The following ZNF3 variants were observed in gnomAD, a reference collection of about 807,000 sequenced individuals.
ZNF3 encodes the protein zinc finger protein 3, also known as C2-H2 type zinc finger protein.
In ZNF3, 16 loss-of-function variants were observed where a neutral mutation model predicts 36.9. The observed-to-expected ratio is 0.43, with a 90% CI of 0.29 to 0.66. ZNF3 has a LOEUF of 0.66. ZNF3 is among the 30% of genes least tolerant of loss of function. The probability of loss-of-function intolerance (pLI) is 0.13; values close to 1 mark genes in which losing one functional copy is unlikely to be tolerated. For synonymous variants in ZNF3, 201 were observed against 201.9 expected, an observed-to-expected ratio of 1.00 and a Z score of 0.04; for missense variants, 462 against 543.1, an observed-to-expected ratio of 0.85 and a Z score of 1.48.
rs1287555370 is a variant in ZNF3 at position 100,070,751 on chromosome 7, A to G, written c.*392T>C. 3.0e-6 allele frequency: 3 copies of G among 1,013,076 alleles called. No individual in the cohort carries two copies. The highest frequency in any genetic ancestry group is 3.5e-6 in the Non-Finnish European group (3 of 846,234). 62.8% of individuals were successfully genotyped at this position (1,013,076 alleles called of 1,614,324 possible). ...CCCTTTACCCTCCCTAGCAAATAAC[A>G]GGACCCAGAGCGTCCTTTCCACTGC... On this transcript the variant is annotated 3_prime_UTR_variant, in exon 6 of 6. Transcript: ENST00000299667.
In ZNF3 at chr7:100,075,364, G is replaced by T. The variant is rs760447670; in HGVS notation, c.145-103C>A. 21 of 1,592,654 alleles carry T rather than the reference G, an allele frequency of 1.3e-5. No homozygotes were observed. The East Asian group carries it at 4.7e-4, about 36-fold the overall frequency. The stretch of plus-strand genomic sequence containing the variant: ...GGTGAAAAATGCACATTTGGGAAGG[G>T]AGGAAGGGAGGACAGGGTGGAGGAA... On this transcript the variant is annotated intron_variant, in intron 4 of 5. Coordinates refer to ENST00000299667, the MANE Select transcript of ZNF3 (RefSeq NM_032924.5).
intron 2 of ZNF3, chr7:100,078,793 C>T (rs533251793): frequency 6.6e-6 from 1 of 152,300 alleles, no homozygotes; most frequent in South Asian, 2.1e-4. Context: ...TGAGGGCTAA[C>T]TCTATTGCCA....
intron 5 of ZNF3, among the ~76,000 whole-genome samples, chr7:100,073,480 C>G (rs1793554209): frequency 6.6e-6 from 1 of 152,102 alleles, no homozygotes; most frequent in African/African-American, 2.4e-5. Context: ...TCCCAAGTAG[C>G]TGGGATTACA....
At position 100,077,424 on chromosome 7, in the gene ZNF3, T is replaced by C. The variant is rs1001307075; in HGVS notation, c.-67A>G. The C allele has an allele frequency of 6.2e-7, 1 of 1,611,950 alleles. No homozygotes were observed. The highest frequency in any genetic ancestry group is 8.5e-7 in the Non-Finnish European group (1 of 1,178,970). On this transcript the variant is annotated 5_prime_UTR_variant, in exon 3 of 6. Transcript: ENST00000299667. ...GCGGGAAGCGGGTTTTAAAAGAGAA[T>C]GAGGAAGCACTGCAGAAGCAAAAGT...
intron 2 of ZNF3, chr7:100,078,596 G>C (rs1218993282): frequency 6.6e-6 from 1 of 152,260 alleles, no homozygotes; most frequent in African/African-American, 2.4e-5. Flanking sequence ...GCTGAGGCAG[G>C]AGAATCGCTT....
rs780317788 is a variant in ZNF3, at chr7:100,071,648, G to A, written c.836C>T (p.Thr279Met). ...ATTACATTCATAGGGTTTCTCCCCC[G>A]TGTGGATCCTCCGATGCAGAATGAG... is the stretch of plus-strand genomic sequence containing the variant. ...SALILHRRIH[T>M]GEKPYECNEC... The change falls in exon 6 of 6, where the codon ACG (threonine) becomes ATG (methionine). Residue 279 changes from threonine to methionine, a missense_variant. Thr to Met is a moderately conservative substitution (Grantham distance 81, BLOSUM62 -1). Transcript: ENST00000299667. The A allele has an allele frequency of 8.7e-6, 14 of 1,613,924 alleles. No individual in the cohort carries two copies. The highest frequency in any genetic ancestry group is 1.3e-5 in the African/African-American group (1 of 74,990).
chr7:100,072,309 A>G, intron 5 of ZNF3, 97 bp from the exon 6 acceptor site: 1 of 1,131,958 alleles, frequency 8.8e-7, no homozygotes, highest in Non-Finnish European at 1.2e-6. Context: ...TACAGTGCCA[A>G]AAGCACATGC....
intron 3 of ZNF3, chr7:100,076,953 C>G (rs758086733): frequency 1.5e-5 from 3 of 194,476 alleles, no homozygotes; most frequent in Non-Finnish European, 3.3e-5. Context: ...CGCCTGCAGT[C>G]CCAGCTACAT....
At chr7:100,077,114 A>G in intron 3 of ZNF3, 189 bp downstream of exon 3, 1 of 616,470 alleles carries the variant, frequency 1.6e-6, no homozygotes, top group South Asian at 2.0e-5. Context: ...CAATTATCAA[A>G]CCTATCAAGC....
downstream of ZNF3, among the ~76,000 whole-genome samples, chr7:100,066,666 G>A (rs1414035880): frequency 6.6e-6 from 1 of 151,904 alleles, no homozygotes; most frequent in South Asian, 2.1e-4. Context: ...GAACCTGGGA[G>A]GTGGAGGTTG....
At chr7:100,077,149 C>A in intron 3 of ZNF3, 154 bp downstream of exon 3, 1 of 812,908 alleles carries the variant, frequency 1.2e-6, no homozygotes, top group Non-Finnish European at 2.0e-6. Flanking sequence ...GTTCGGTCAG[C>A]TTCCCCACTA....
rs537750656 is a variant in ZNF3, at chr7:100,080,657, C to CA, written c.-198+977dup. On this transcript the variant is annotated intron_variant, in intron 1 of 5. Coordinates refer to ENST00000299667, the MANE Select transcript of ZNF3 (RefSeq NM_032924.5). ...CGGAACCCCGTCTCTACTAAAAATA[C>CA]AAAAAATTCGCCGGAGGTGGTGGCG... Among the ~76,000 whole-genome samples the CA allele has an allele frequency of 1.8e-3, 276 of 152,256 alleles. 2 individuals carry two copies. Among genetic ancestry groups the CA allele is most frequent in the Middle Eastern group, 6.8e-3 (2 of 294 alleles).
chr7:100,081,254 G>A lies in ZNF3; in HGVS notation c.-198+381C>T, dbSNP rs982775741. ...AAATAAACTTCCTCTCCTGCCACGG[G>A]CGCGAATAACTGTGTTAACATCAAA... is the stretch of plus-strand genomic sequence containing the variant. On this transcript the variant is annotated intron_variant, in intron 1 of 5. Transcript: ENST00000299667. This position sits in a 1 kb window ranked among gnomAD's most constrained non-coding sequence, Gnocchi z 4.3. Among the ~76,000 whole-genome samples, 1 of 152,338 alleles carries A rather than the reference G, an allele frequency of 6.6e-6. No homozygotes were observed. The highest frequency in any genetic ancestry group is 3.4e-3 in the Middle Eastern group (1 of 294).
At chr7:100,066,548 G>A (rs572639515), downstream of ZNF3, among the ~76,000 whole-genome samples, 6 of 151,350 alleles carry the variant, frequency 4.0e-5, no homozygotes, top group East Asian at 9.7e-4. Flanking sequence ...GGCTAACAAG[G>A]TGAAACCCCA....
At position 100,071,625 on chromosome 7, in the gene ZNF3, T is replaced by A; in HGVS notation, c.859A>T (p.Asn287Tyr). The A allele has an allele frequency of 6.2e-7, 1 of 1,614,042 alleles. No homozygotes were observed. Among genetic ancestry groups the A allele is most frequent in the Non-Finnish European group, 8.5e-7 (1 of 1,179,954 alleles). Residue 287 changes from asparagine (N) to tyrosine (Y), a missense_variant, in exon 6 of 6, where the codon AAT becomes TAT. Asn to Tyr is a moderately radical substitution (Grantham distance 143). Transcript: ENST00000299667. Reference sequence around the variant, plus strand: ...CAGCTGAAGGTCTTCCCACACTCATTACATTCATAGGGTTTCTCCCCCGTG... The same window carrying A: ...CAGCTGAAGGTCTTCCCACACTCATAACATTCATAGGGTTTCTCCCCCGTG... ...IHTGEKPYEC[N>Y]ECGKTFSWSS... is the part of the protein sequence containing the mutation.
chr7:100,077,773 A>C (rs1210463424), intron 2 of ZNF3: 5 of 157,992 alleles, frequency 3.2e-5, no homozygotes, highest in African/African-American at 1.2e-4. Context: ...CTTGTCACCC[A>C]GGCTGGAGTG....
rs1792990213 is a variant in ZNF3 at position 100,070,726 on chromosome 7, C to T, written c.*417G>A. ...AGGAACAGTAGCTTTGAAATAGTCT[C>T]CCTTTACCCTCCCTAGCAAATAACA... On this transcript the variant is annotated 3_prime_UTR_variant, in exon 6 of 6. Transcript: ENST00000299667. 1 of 1,004,498 alleles carries T rather than the reference C, an allele frequency of 1.0e-6. No homozygotes were observed. Among genetic ancestry groups the T allele is most frequent in the Non-Finnish European group, 1.2e-6 (1 of 840,822 alleles). 62.2% of individuals were successfully genotyped at this position (1,004,498 alleles called of 1,614,324 possible).
Position 100,070,879 on chromosome 7 carries a change from A to C in ZNF3, c.*264T>G, listed in dbSNP as rs1562859789. On this transcript the variant is annotated 3_prime_UTR_variant, in exon 6 of 6. Transcript: ENST00000299667. ...GGAAAGGTTCCTCTGCTGTGAGAAA[A>C]ACAGTTTAGTGCAAACTCCTTTCCT... is the stretch of plus-strand genomic sequence containing the variant. 3.2e-6 allele frequency: 4 copies of C among 1,238,766 alleles called. No individual in the cohort carries two copies. Among genetic ancestry groups the C allele is most frequent in the Non-Finnish European group, 4.0e-6 (4 of 989,164 alleles). The allele number at this position is 1,238,766 out of a possible 1,614,324, so 76.7% of individuals were successfully genotyped here.
At position 100,072,552 on chromosome 7, in the gene ZNF3, G is replaced by A. The variant is rs1324110406; in HGVS notation, c.272-340C>T. Among the ~76,000 whole-genome samples, 10 of 152,146 alleles carry A rather than the reference G, an allele frequency of 6.6e-5. No homozygotes were observed. The East Asian group carries it at 7.7e-4, about 12-fold the overall frequency. On this transcript the variant is annotated intron_variant, in intron 5 of 5. Coordinates refer to ENST00000299667, the MANE Select transcript of ZNF3 (RefSeq NM_032924.5). ...GTGACAAAGCCTTTAGAGAGGTCAG[G>A]GCAGTGGATATAACTGGGGACACAG...
Sources: allele counts gnomAD v4.1 joint callset (sites outside exome capture counted in the v4.1 genomes callset), GRCh38; gene constraint gnomAD v4.1.1; non-coding constraint Gnocchi (gnomAD v3.1); transcripts MANE v1.5; gene names NCBI Gene and HGNC (gene_info 2026-07-23, HGNC 2026-07-21).